Variants in AUTS2 observed in about 807,000 individuals in gnomAD.
AUTS2 encodes the protein autism susceptibility gene 2 protein.
Under a neutral mutation model 112.4 loss-of-function variants are expected in AUTS2, and 17 were observed. The observed-to-expected ratio is 0.15, with a 90% CI of 0.10 to 0.23. The LOEUF is 0.23. Ranked by LOEUF, AUTS2 falls within the 10% of genes least tolerant of loss-of-function variation. The probability of loss-of-function intolerance (pLI) is 1.00; values close to 1 mark genes in which losing one functional copy is unlikely to be tolerated. For missense variants in AUTS2, 1,510 were observed against 1,701.6 expected, an observed-to-expected ratio of 0.89 and a Z score of 1.98; for synonymous variants, 751 against 702.7, an observed-to-expected ratio of 1.07 and a Z score of -1.09.
intron 5 of AUTS2, among the ~76,000 whole-genome samples, chr7:70,455,169 A>G (rs908459242): frequency 6.6e-6 from 1 of 152,216 alleles, no homozygotes; most frequent in Non-Finnish European, 1.5e-5. Context: ...TCCTGAATGT[A>G]ATGCCCATAA....
chr7:70,742,670 G>GAGA (rs1425913285), intron 6 of AUTS2, among the ~76,000 whole-genome samples: 1 of 152,212 alleles, frequency 6.6e-6, no homozygotes, highest in Non-Finnish European at 1.5e-5. Context: ...GGTGAGGCAG[G>GAGA]AGAATAGCTT....
rs147068390 is a variant in AUTS2, at chr7:70,233,669, G to A, written c.660+99098G>A. Among the ~76,000 whole-genome samples, 113 of 152,296 alleles carry A rather than the reference G, an allele frequency of 7.4e-4. 2 individuals carry two copies. The highest frequency in any genetic ancestry group is 6.8e-3 in the Middle Eastern group (2 of 294). ...CTCTACTTTCACACAGTCAAACAGC[G>A]TCTAATTTTTGGTGGACTTTCTTTT... is the stretch of plus-strand genomic sequence containing the variant. On this transcript the variant is annotated intron_variant, in intron 4 of 18. Coordinates refer to ENST00000342771, the MANE Select transcript of AUTS2 (RefSeq NM_015570.4).
At chr7:69,694,183 C>T (rs186985463) in intron 1 of AUTS2, among the ~76,000 whole-genome samples, 10 of 152,222 alleles carry the variant, frequency 6.6e-5, no homozygotes, top group Admixed American at 2.6e-4. Flanking sequence ...TCCCTGCTAC[C>T]AAGTACTAGT....
At chr7:70,293,956 A>G (rs1474836324) in intron 4 of AUTS2, 1 of 152,178 alleles carries the variant, frequency 6.6e-6, no homozygotes, top group African/African-American at 2.4e-5. Context: ...TGGCACCCCT[A>G]AAACTACCCC....
At chr7:70,417,292 G>C (rs539493628) in intron 4 of AUTS2, among the ~76,000 whole-genome samples, 51 of 152,330 alleles carry the variant, frequency 3.3e-4, no homozygotes, top group African/African-American at 1.2e-3. Flanking sequence ...AAACCATTTT[G>C]CAATGTGACT....
At chr7:70,062,476 G>A (rs545939146) in intron 2 of AUTS2, among the ~76,000 whole-genome samples, 3 of 148,110 alleles carry the variant, frequency 2.0e-5, no homozygotes, top group Non-Finnish European at 4.4e-5. Context: ...TCACGCCACT[G>A]CACTCCAGCC....
chr7:70,297,557 G>A (rs1789000077), intron 4 of AUTS2, among the ~76,000 whole-genome samples: 1 of 151,472 alleles, frequency 6.6e-6, no homozygotes, highest in Non-Finnish European at 1.5e-5. Context: ...AGCCTCCCAA[G>A]TAGCTGGGAC....
chr7:70,658,892 G>T (rs1005515266), intron 5 of AUTS2, among the ~76,000 whole-genome samples: 1 of 152,152 alleles, frequency 6.6e-6, no homozygotes, highest in Non-Finnish European at 1.5e-5. Context: ...TTTTGTTTTT[G>T]TTTATTCTGC....
At chr7:70,504,372 G>A (rs1798883910) in intron 5 of AUTS2, among the ~76,000 whole-genome samples, 1 of 150,752 alleles carries the variant, frequency 6.6e-6, no homozygotes, top group Non-Finnish European at 1.5e-5. Flanking sequence ...AAGCTATTCT[G>A]GAAAAGATCT....
At chr7:69,873,198 A>T (rs1411675225) in intron 1 of AUTS2, among the ~76,000 whole-genome samples, 1 of 152,170 alleles carries the variant, frequency 6.6e-6, no homozygotes, top group African/African-American at 2.4e-5. Flanking sequence ...TCCAGGATTT[A>T]TAAGTTCAGA....
chr7:70,225,880 T>C (rs1811738764), intron 4 of AUTS2, among the ~76,000 whole-genome samples: 1 of 152,134 alleles, frequency 6.6e-6, no homozygotes, highest in African/African-American at 2.4e-5. Context: ...TGGTAGATTT[T>C]GCGGTTGTAT....
At chr7:69,611,510 A>G (rs984748373) in intron 1 of AUTS2, among the ~76,000 whole-genome samples, 1 of 152,256 alleles carries the variant, frequency 6.6e-6, no homozygotes, top group Non-Finnish European at 1.5e-5. Context: ...ATGTTTTTAA[A>G]TATTGAAGTA....
At chr7:70,659,752 G>T (rs1806970835) in intron 5 of AUTS2, among the ~76,000 whole-genome samples, 1 of 152,120 alleles carries the variant, frequency 6.6e-6, no homozygotes, top group African/African-American at 2.4e-5. Context: ...AAACAAACTT[G>T]CATATACATA....
chr7:69,796,361 A>G (rs575804584), intron 1 of AUTS2, among the ~76,000 whole-genome samples: 2 of 152,262 alleles, frequency 1.3e-5, no homozygotes, highest in East Asian at 3.9e-4. Context: ...TCTACCAAAC[A>G]AACAAACAAA....
chr7:69,970,478 C>G (rs1214442015), intron 2 of AUTS2, among the ~76,000 whole-genome samples: 1 of 152,170 alleles, frequency 6.6e-6, no homozygotes, highest in African/African-American at 2.4e-5. Context: ...CATCTCCTAG[C>G]ACAGCTAAGG....
chr7:69,630,769 C>T (rs1392884945), intron 1 of AUTS2, among the ~76,000 whole-genome samples: 2 of 152,136 alleles, frequency 1.3e-5, no homozygotes, highest in Admixed American at 1.3e-4. Flanking sequence ...ATTAAAGATT[C>T]CTGGTTACCA....
rs527582752 is a variant in AUTS2 at position 70,038,472 on chromosome 7, C to A, written c.523-79660C>A. ...GTTGACTGGTGATTTATACCTTATA[C>A]CCTCTCATTAAACACTCTTACCTAA... is the stretch of plus-strand genomic sequence containing the variant. On this transcript the variant is annotated intron_variant, in intron 2 of 18. Transcript: ENST00000342771. Among the ~76,000 whole-genome samples the A allele has an allele frequency of 4.3e-4, 66 of 152,160 alleles. 2 individuals carry two copies. In the South Asian group the frequency reaches 0.013, roughly 30 times the overall value.
chr7:70,508,240 ATTAAC>A (rs1217115014), intron 5 of AUTS2, among the ~76,000 whole-genome samples: 1 of 152,088 alleles, frequency 6.6e-6, no homozygotes, highest in African/African-American at 2.4e-5. Flanking sequence ...CCTGTGGGGC[ATTAAC>A]GATCATTAAT....
chr7:69,691,160 T>C (rs529662825), intron 1 of AUTS2, among the ~76,000 whole-genome samples: 6 of 152,260 alleles, frequency 3.9e-5, no homozygotes, highest in African/African-American at 9.6e-5. Context: ...TATGTGCTGA[T>C]TGGTCCATGG....
Sources: gnomAD v4.1 joint callset for allele counts (sites outside exome capture counted in the v4.1 genomes callset) on GRCh38, gnomAD v4.1.1 for gene constraint, MANE v1.5 for transcripts, NCBI Gene and HGNC (gene_info 2026-07-23, HGNC 2026-07-21) for gene names.